Variants in CHLSN observed in about 807,000 individuals in gnomAD.
The protein encoded by CHLSN is protein cholesin.
the CHLSN span, among the ~76,000 whole-genome samples, chr7:1,096,899 C>T: frequency 2.6e-5 from 4 of 152,144 alleles, no homozygotes; most frequent in Non-Finnish European, 4.4e-5. The surrounding 1 kb of genome is among the most constrained non-coding windows in gnomAD (Gnocchi z 4.6). Context: ...GAGAGAACTA[C>T]AAAGAAACCT....
the CHLSN span, among the ~76,000 whole-genome samples, chr7:1,112,088 C>T: frequency 6.6e-6 from 1 of 152,116 alleles, no homozygotes; most frequent in Non-Finnish European, 1.5e-5. Context: ...TTTCTGTTGA[C>T]CACAAAGAAG....
At chr7:992,624 C>A in the CHLSN span, among the ~76,000 whole-genome samples, 1 of 152,356 alleles carries the variant, frequency 6.6e-6, no homozygotes, top group African/African-American at 2.4e-5. Flanking sequence ...TCGGAGTGGG[C>A]AGCCCCCATT....
chr7:1,047,880 G>A, the CHLSN span, among the ~76,000 whole-genome samples: 4 of 152,228 alleles, frequency 2.6e-5, no homozygotes, highest in South Asian at 2.1e-4. Context: ...TGGATCACTC[G>A]CCTTGGGGAA....
At chr7:1,008,740 G>A in the CHLSN span, among the ~76,000 whole-genome samples, 1 of 152,016 alleles carries the variant, frequency 6.6e-6, no homozygotes, top group Non-Finnish European at 1.5e-5. Flanking sequence ...CAACACACAT[G>A]TCCACACATA....
At chr7:1,109,901 G>A in the CHLSN span, among the ~76,000 whole-genome samples, 500 of 152,242 alleles carry the variant, frequency 3.3e-3, 3 homozygotes, top group African/African-American at 0.011. Context: ...ACCTCCTCAC[G>A]GGCAGACTCT....
At chr7:1,070,992 A>G in the CHLSN span, among the ~76,000 whole-genome samples, 87,096 of 150,352 alleles carry the variant, frequency 0.58, 25,667 homozygotes, top group African/African-American at 0.71. Flanking sequence ...ACGGGCACAC[A>G]CACACGTGCA....
chr7:1,064,176 C>G, the CHLSN span, among the ~76,000 whole-genome samples: 1 of 152,108 alleles, frequency 6.6e-6, no homozygotes, highest in Non-Finnish European at 1.5e-5. Context: ...GTCTCCTCCC[C>G]GGGAACACCG....
At chr7:1,093,847 G>T in the CHLSN span, 1 of 364,998 alleles carries the variant, frequency 2.7e-6, no homozygotes. Context: ...TCTGCCAAGT[G>T]GGGTGGGACG....
the CHLSN span, among the ~76,000 whole-genome samples, chr7:1,050,744 A>G: frequency 3.3e-5 from 5 of 152,218 alleles, no homozygotes; most frequent in East Asian, 1.9e-4. Context: ...ACGAGTACGC[A>G]TTAGGAGTGA....
chr7:1,120,098 T>G, the CHLSN span, among the ~76,000 whole-genome samples: 1 of 152,152 alleles, frequency 6.6e-6, no homozygotes, highest in African/African-American at 2.4e-5. Flanking sequence ...AGCTGTTTTT[T>G]AAAACCACAT....
At chr7:1,051,183 G>C in the CHLSN span, among the ~76,000 whole-genome samples, 1 of 152,188 alleles carries the variant, frequency 6.6e-6, no homozygotes, top group Non-Finnish European at 1.5e-5. Flanking sequence ...GTCACTCAGA[G>C]AAGCTGCTGC....
the CHLSN span, among the ~76,000 whole-genome samples, chr7:1,032,288 AG>A: frequency 6.6e-6 from 1 of 152,226 alleles, no homozygotes; most frequent in Non-Finnish European, 1.5e-5. Flanking sequence ...AGCCCCCCGC[AG>A]GTGGATCTGC....
chr7:1,089,538 C>A, the CHLSN span, among the ~76,000 whole-genome samples: 8 of 152,010 alleles, frequency 5.3e-5, no homozygotes, highest in Non-Finnish European at 1.2e-4. Context: ...CCTGCCTCAG[C>A]CTCCCGAGTA....
the CHLSN span, among the ~76,000 whole-genome samples, chr7:1,038,679 G>T: frequency 7.7e-6 from 1 of 130,262 alleles, no homozygotes; most frequent in Non-Finnish European, 1.7e-5. Flanking sequence ...CCCCCGCCTG[G>T]CCAGCCGCCC....
At chr7:1,091,694 T>G in the CHLSN span, 1 of 1,467,304 alleles carries the variant, frequency 6.8e-7, no homozygotes, top group East Asian at 2.3e-5. Context: ...CTGGGAGCCT[T>G]TCGGCAAATC....
the CHLSN span, among the ~76,000 whole-genome samples, chr7:1,126,097 C>T: frequency 6.6e-6 from 1 of 152,098 alleles, no homozygotes; most frequent in African/African-American, 2.4e-5. Context: ...AGCAGTGGCT[C>T]ACACCTGTAA....
the CHLSN span, among the ~76,000 whole-genome samples, chr7:1,134,282 T>C: frequency 1.4e-5 from 2 of 144,632 alleles, no homozygotes. Flanking sequence ...CTTAAAAGGG[T>C]GGGGGGCAAG....
At chr7:1,045,551 AG>A in the CHLSN span, 8 of 152,268 alleles carry the variant, frequency 5.3e-5, no homozygotes, top group African/African-American at 1.9e-4. Context: ...CCATGTTCCC[AG>A]GCTCCTCACG....
chr7:1,021,352 G>A, the CHLSN span: 3 of 984,592 alleles, frequency 3.0e-6, no homozygotes, highest in Non-Finnish European at 2.4e-6. Context: ...CGTGGCAGTA[G>A]GACCTGACCT....
Sources: allele counts gnomAD v4.1 joint callset (sites outside exome capture counted in the v4.1 genomes callset), GRCh38; gene constraint gnomAD v4.1.1; non-coding constraint Gnocchi (gnomAD v3.1); transcripts MANE v1.5; gene names NCBI Gene and HGNC (gene_info 2026-07-23, HGNC 2026-07-21).